NHSL1: variants seen among roughly 807,000 people sequenced by gnomAD.
NHSL1 encodes NHS-like protein 1.
NHSL1 carries 48 observed loss-of-function variants against 95.0 expected under a neutral mutation model. That is an observed-to-expected ratio of 0.51 (90% confidence interval 0.40 to 0.64). The LOEUF is 0.64. NHSL1 is among the 30% of genes least tolerant of loss of function. NHSL1 has a pLI of 0.00. For synonymous variants in NHSL1, 783 were observed against 833.9 expected (o/e 0.94, Z 1.05); for missense variants, 1,971 against 2,077.7 (o/e 0.95, Z 1.00).
In NHSL1 at chr6:138,431,085, G is replaced by A; in HGVS notation, c.3260C>T (p.Ala1087Val). 6.4e-7 allele frequency: 1 copy of A among 1,551,946 alleles called. No individual in the cohort carries two copies. Among genetic ancestry groups the A allele is most frequent in the East Asian group, 2.4e-5 (1 of 40,922 alleles). The change falls in exon 6 of 8, where the codon GCT becomes GTT. Residue 1087 changes from alanine (A) to valine (V), a missense_variant. Transcript: ENST00000343505. The surrounding 1 kb of genome is among the most constrained non-coding windows in gnomAD (Gnocchi z 4.0). Reference protein sequence around the residue: ...QLRPVRKNSGAEAAQLSERTA... With the variant: ...QLRPVRKNSGVEAAQLSERTA... Reference sequence around the variant, plus strand: ...TCGTTCAGACAACTGTGCCGCCTCAGCGCCTGAGTTCTTTCTCACGGGCCT... The same window carrying A: ...TCGTTCAGACAACTGTGCCGCCTCAACGCCTGAGTTCTTTCTCACGGGCCT...
intron 2 of NHSL1, among the ~76,000 whole-genome samples, chr6:138,482,907 A>G (rs1779512932): frequency 6.6e-6 from 1 of 152,192 alleles, no homozygotes. Context: ...TGGCATCCCA[A>G]ATTAAGGTAC....
chr6:138,480,313 T>C (rs1333834945), intron 2 of NHSL1, among the ~76,000 whole-genome samples: 4 of 152,214 alleles, frequency 2.6e-5, no homozygotes, highest in African/African-American at 9.6e-5. Flanking sequence ...AGAAAATACC[T>C]GAGTATTGTA....
upstream of NHSL1, among the ~76,000 whole-genome samples, chr6:138,502,766 G>A (rs972046647): frequency 3.3e-5 from 5 of 152,322 alleles, no homozygotes; most frequent in South Asian, 4.1e-4. Flanking sequence ...TTGCTCATCT[G>A]TAAAACGGGA....
intron 1 of NHSL1, among the ~76,000 whole-genome samples, chr6:138,601,121 C>T (rs768404607): frequency 2.6e-5 from 4 of 152,184 alleles, no homozygotes; most frequent in Non-Finnish European, 5.9e-5. Context: ...AACATAAAAT[C>T]TGGTTCCACT....
At position 138,447,040 on chromosome 6, in the gene NHSL1, G is replaced by T; in HGVS notation, c.493C>A (p.Gln165Lys). 2 of 1,551,720 alleles carry T rather than the reference G, an allele frequency of 1.3e-6. No individual in the cohort carries two copies. Among genetic ancestry groups the T allele is most frequent in the Non-Finnish European group, 1.7e-6 (2 of 1,146,990 alleles). Residue 165 changes from glutamine to lysine, a missense_variant, in exon 4 of 8, where the codon CAA becomes AAA. Around this residue, in one of 3 missense-constraint regions of NHSL1, gnomAD observed 1,602 missense variants for 1,654.5 expected, o/e 0.97. Coordinates refer to ENST00000343505, the MANE Select transcript of NHSL1 (RefSeq NM_001144060.2). ...TPEEKMRQQA[Q>K]TVQADVVPIN... Reference sequence around the variant, plus strand: ...GGCACCACGTCAGCCTGGACTGTTTGGGCTTGCTGTCGCATCTTCTCTTCT... The same window carrying T: ...GGCACCACGTCAGCCTGGACTGTTTTGGCTTGCTGTCGCATCTTCTCTTCT...
chr6:138,654,250 T>C (rs535664842), intron 1 of NHSL1, among the ~76,000 whole-genome samples: 2 of 152,338 alleles, frequency 1.3e-5, no homozygotes, highest in South Asian at 2.1e-4. Flanking sequence ...AACAAGACTT[T>C]ATTTTTTCTT....
At position 138,442,074 on chromosome 6, in the gene NHSL1, T is replaced by C. The variant is rs1313553386; in HGVS notation, c.573A>G (p.Leu191=). Residue 191 remains leucine, a synonymous_variant, in exon 5 of 8, where the codon CTA becomes CTG. Transcript: ENST00000343505. ...GTCTTACCAGAGTGTCTGTGTAAATTAGAGACCGCCGAAGGCTGGCCTGGC... is the reference window on the plus strand; with the variant it reads ...GTCTTACCAGAGTGTCTGTGTAAATCAGAGACCGCCGAAGGCTGGCCTGGC... ...FDRQASLRRS[L]IYTDTLVRRP... is the part of the protein sequence containing the mutation. 2 of 1,551,178 alleles carry C rather than the reference T, an allele frequency of 1.3e-6. No individual in the cohort carries two copies. Among genetic ancestry groups the C allele is most frequent in the Non-Finnish European group, 8.7e-7 (1 of 1,146,844 alleles).
intron 1 of NHSL1, among the ~76,000 whole-genome samples, chr6:138,497,487 T>G (rs1780425454): frequency 1.3e-5 from 2 of 152,162 alleles, no homozygotes; most frequent in Admixed American, 1.3e-4. Context: ...CAACATAACA[T>G]GTACCTGGAA....
chr6:138,431,432 G>A lies in NHSL1; in HGVS notation c.2913C>T (p.Phe971=), dbSNP rs1775655252. The change falls in exon 6 of 8, where the codon TTC becomes TTT. Residue 971 remains phenylalanine (F), a synonymous_variant. Transcript: ENST00000343505. The surrounding 1 kb of genome is among the most constrained non-coding windows in gnomAD (Gnocchi z 4.0). ...QGSPLPHSPV[F]PPPPPEALIP... is the part of the protein sequence containing the mutation. ...TGAGAGCTTCTGGCGGCGGAGGGGG[G>A]AACACAGGAGAGTGAGGCAGAGGAG... 1 of 1,550,736 alleles carries A rather than the reference G, an allele frequency of 6.4e-7. No individual in the cohort carries two copies. Among genetic ancestry groups the A allele is most frequent in the South Asian group, 1.2e-5 (1 of 84,026 alleles).
At chr6:138,641,296 G>A (rs1369801520) in intron 1 of NHSL1, among the ~76,000 whole-genome samples, 5 of 152,160 alleles carry the variant, frequency 3.3e-5, no homozygotes, top group Admixed American at 3.3e-4. Flanking sequence ...AAACCTGGAT[G>A]AGTCGGGAAA....
rs202130060 is a variant in NHSL1, at chr6:138,555,542, GT to G, written c.202+16167del. 6.8e-4 allele frequency among the ~76,000 whole-genome samples: 103 copies of G among 152,288 alleles called. 2 individuals are homozygous for G. The highest frequency in any genetic ancestry group is 2.3e-3 in the African/African-American group (94 of 41,556). ...GCTGCAGCCTGGTGCCCTTGGGTTG[GT>G]TTTTTGTTTTTGTTTTCTTTTTCCT... On this transcript the variant is annotated intron_variant, in intron 1 of 6. Transcript: ENST00000427025.
intron 2 of NHSL1, among the ~76,000 whole-genome samples, chr6:138,489,903 AGCGAGAGG>A (rs1779958038): frequency 2.6e-5 from 2 of 77,366 alleles, no homozygotes; most frequent in East Asian, 5.1e-4. Flanking sequence ...AGAGGGAGAG[AGCGAGAGG>A]GGGAGAGGGG....
In NHSL1 at chr6:138,429,374, C is replaced by T. The variant is rs527763669; in HGVS notation, c.4085+337G>A. ...TCCACAGAACATAGCATTCCTCCTCCTGACTGCACTGTCAGTCACTTTAAT... is the reference window on the plus strand; with the variant it reads ...TCCACAGAACATAGCATTCCTCCTCTTGACTGCACTGTCAGTCACTTTAAT... On this transcript the variant is annotated intron_variant, in intron 7 of 7. Coordinates refer to ENST00000343505, the MANE Select transcript of NHSL1 (RefSeq NM_001144060.2). 9.9e-4 allele frequency among the ~76,000 whole-genome samples: 151 copies of T among 152,316 alleles called. 1 individual carries two copies. The highest frequency in any genetic ancestry group is 7.9e-3 in the Admixed American group (121 of 15,306).
chr6:138,458,815 T>C (rs1777798496), intron 3 of NHSL1, among the ~76,000 whole-genome samples: 1 of 124,904 alleles, frequency 8.0e-6, no homozygotes, highest in South Asian at 2.5e-4. Flanking sequence ...ACAGAGTACG[T>C]GAAAATCTGT....
intron 2 of NHSL1, among the ~76,000 whole-genome samples, chr6:138,493,144 A>T (rs1455696830): frequency 6.6e-6 from 1 of 152,240 alleles, no homozygotes; most frequent in African/African-American, 2.4e-5. Flanking sequence ...GAACTCAGAT[A>T]ATCTTTCTCA....
chr6:138,572,083 A>T, exon 1 of NHSL1: 1 of 581,124 alleles, frequency 1.7e-6, no homozygotes, highest in Non-Finnish European at 3.0e-6. Context: ...AATTAAAAAG[A>T]AAGGGAAAAG....
intron 1 of NHSL1, among the ~76,000 whole-genome samples, chr6:138,598,259 G>A (rs1784326386): frequency 6.6e-6 from 1 of 152,090 alleles, no homozygotes; most frequent in Non-Finnish European, 1.5e-5. Flanking sequence ...AAGAGTTCAA[G>A]ACCCGTCAGG....
intron 1 of NHSL1, among the ~76,000 whole-genome samples, chr6:138,681,913 T>C (rs1785516819): frequency 6.6e-6 from 1 of 152,056 alleles, no homozygotes; most frequent in African/African-American, 2.4e-5. Context: ...AAGTAAAGTA[T>C]AACAAAGGAT....
intron 1 of NHSL1, among the ~76,000 whole-genome samples, chr6:138,691,569 C>T (rs1441824080): frequency 1.3e-5 from 2 of 152,166 alleles, no homozygotes; most frequent in East Asian, 3.8e-4. Flanking sequence ...AACATCTCCC[C>T]TCCCACCCAG....
Sources: gnomAD v4.1 joint callset for allele counts (sites outside exome capture counted in the v4.1 genomes callset) on GRCh38, gnomAD v4.1.1 for gene constraint, gnomAD v4.1.1 regional missense constraint, Gnocchi (gnomAD v3.1) non-coding constraint, MANE v1.5 for transcripts, NCBI Gene and HGNC (gene_info 2026-07-23, HGNC 2026-07-21) for gene names.